Variants in MGLL observed in about 807,000 individuals in gnomAD.
MGLL encodes monoglyceride lipase, also known as lysophospholipase homolog.
MGLL carries 7 observed loss-of-function variants against 29.1 expected under a neutral mutation model. The ratio of observed to expected loss-of-function variants is 0.24; its 90% CI spans 0.14 to 0.45. The LOEUF is 0.45. MGLL is among the 20% of genes least tolerant of loss of function. MGLL has a pLI of 0.99. For synonymous variants in MGLL, 148 were observed against 168.3 expected, an observed-to-expected ratio of 0.88 and a Z score of 0.93; for missense variants, 356 against 413.6, an observed-to-expected ratio of 0.86 and a Z score of 1.21.
At chr3:127,793,178 G>A (rs1443268358) in intron 2 of MGLL, among the ~76,000 whole-genome samples, 2 of 152,172 alleles carry the variant, frequency 1.3e-5, no homozygotes, top group South Asian at 4.2e-4. Flanking sequence ...GCACGTGGCA[G>A]AATGGCAGCC....
chr3:127,755,225 T>C (rs2076641856), intron 3 of MGLL, among the ~76,000 whole-genome samples: 1 of 152,126 alleles, frequency 6.6e-6, no homozygotes. Context: ...CACTGTGACC[T>C]GGGAACAAGG....
chr3:127,725,162 C>T (rs2076008644), intron 3 of MGLL, among the ~76,000 whole-genome samples: 1 of 152,168 alleles, frequency 6.6e-6, no homozygotes. Context: ...CTTCCGAGAT[C>T]TTGGCTCACT....
At chr3:127,755,454 C>G (rs536660007) in intron 3 of MGLL, among the ~76,000 whole-genome samples, 1 of 152,262 alleles carries the variant, frequency 6.6e-6, no homozygotes, top group East Asian at 1.9e-4. Flanking sequence ...ACACGATATG[C>G]CAGTTGTAGG....
intron 3 of MGLL, among the ~76,000 whole-genome samples, chr3:127,768,638 C>T (rs1576571644): frequency 1.3e-5 from 2 of 152,304 alleles, no homozygotes; most frequent in East Asian, 1.9e-4. Context: ...CACTCTGACT[C>T]TCCCTTCTCT....
At position 127,723,439 on chromosome 3, in the gene MGLL, T is replaced by C. The variant is rs182955962; in HGVS notation, c.263-873A>G. Among the ~76,000 whole-genome samples the C allele has an allele frequency of 2.3e-3, 356 of 152,136 alleles. 1 individual carries two copies. The highest frequency in any genetic ancestry group is 7.9e-3 in the African/African-American group (326 of 41,492). On this transcript the variant is annotated intron_variant, in intron 3 of 7. Transcript: ENST00000265052. ...GGGGAGGCTGCTGCAGTAATAACGG[T>C]CACCACCTGGAACTGACAGGCTGCC...
intron 5 of MGLL, among the ~76,000 whole-genome samples, chr3:127,717,550 C>T (rs561305855): frequency 9.2e-5 from 14 of 152,320 alleles, no homozygotes; most frequent in African/African-American, 1.9e-4. Context: ...CCCTACTGGG[C>T]GAGGTGCCCT....
intron 3 of MGLL, among the ~76,000 whole-genome samples, chr3:127,779,328 C>T (rs558939560): frequency 1.1e-4 from 17 of 152,222 alleles, no homozygotes. Flanking sequence ...GATCACGCCA[C>T]TGCACTCCAG....
At chr3:127,692,351 A>C in intron 7 of MGLL, 28 bp from the exon 8 acceptor site, 1 of 1,613,796 alleles carries the variant, frequency 6.2e-7, no homozygotes, top group Non-Finnish European at 8.5e-7. Flanking sequence ...ACGGAATCAG[A>C]GCTGCACCAT....
intron 3 of MGLL, among the ~76,000 whole-genome samples, chr3:127,742,584 C>A (rs1213699881): frequency 3.8e-5 from 4 of 104,522 alleles, no homozygotes; most frequent in African/African-American, 1.5e-4. Context: ...AGCGAGACTC[C>A]GTCCCAAAAA....
intron 6 of MGLL, 108 bp from the exon 7 acceptor site, chr3:127,695,298 C>T: frequency 1.7e-6 from 2 of 1,144,734 alleles, no homozygotes; most frequent in South Asian, 2.9e-5. Flanking sequence ...AGGGTTGATT[C>T]CATTCAGGTC....
chr3:127,809,792 G>A (rs181610201), intron 2 of MGLL, among the ~76,000 whole-genome samples: 2 of 152,130 alleles, frequency 1.3e-5, no homozygotes, highest in Admixed American at 1.3e-4. Context: ...CTGCCCTTGA[G>A]CCAGGTGGCC....
intron 5 of MGLL, among the ~76,000 whole-genome samples, chr3:127,720,366 G>T (rs962358905): frequency 2.0e-5 from 3 of 152,170 alleles, no homozygotes. Context: ...CCAAGGCCGG[G>T]TCTAAACTGA....
intron 5 of MGLL, among the ~76,000 whole-genome samples, chr3:127,714,710 C>G (rs1487341850): frequency 6.6e-6 from 1 of 152,140 alleles, no homozygotes; most frequent in Admixed American, 6.5e-5. Flanking sequence ...TGCTGAAGCC[C>G]TGGGTGCAAG....
chr3:127,810,543 AAC>A (rs34730307), intron 2 of MGLL, among the ~76,000 whole-genome samples: 20,963 of 152,214 alleles, frequency 0.14, 1,650 homozygotes, highest in Middle Eastern at 0.21. Flanking sequence ...CTGAAATCCC[AAC>A]ACAGAATCCA....
chr3:127,695,128 G>A lies in MGLL; in HGVS notation c.663C>T (p.Ile221=), dbSNP rs779322931. 2 of 1,614,230 alleles carry A rather than the reference G, an allele frequency of 1.2e-6. No homozygotes were observed. The highest frequency in any genetic ancestry group is 1.7e-6 in the Non-Finnish European group (2 of 1,180,046). The change falls in exon 7 of 8, where the codon ATC becomes ATT. Residue 221 remains isoleucine, a synonymous_variant. Coordinates refer to ENST00000265052, the MANE Select transcript of MGLL (RefSeq NM_007283.7). ...CCCGTGAGACGGCATTCAGCAGTTGGATGCCGAAGCACACCTTCAGCCCTG... is the reference window on the plus strand; with the variant it reads ...CCCGTGAGACGGCATTCAGCAGTTGAATGCCGAAGCACACCTTCAGCCCTG... ...CRAGLKVCFG[I]QLLNAVSRVE...
At chr3:127,754,710 G>C (rs886219486) in intron 3 of MGLL, among the ~76,000 whole-genome samples, 1 of 152,072 alleles carries the variant, frequency 6.6e-6, no homozygotes, top group Non-Finnish European at 1.5e-5. Flanking sequence ...CCTTGTCGGA[G>C]GGCAAGAAAG....
intron 2 of MGLL, among the ~76,000 whole-genome samples, chr3:127,800,123 AC>A (rs1287014181): frequency 2.6e-5 from 4 of 152,208 alleles, no homozygotes; most frequent in Admixed American, 2.0e-4. Flanking sequence ...ATGGTCAGGA[AC>A]ACAGAGAAGG....
At chr3:127,740,831 G>A (rs1292036107) in intron 3 of MGLL, among the ~76,000 whole-genome samples, 1 of 152,210 alleles carries the variant, frequency 6.6e-6, no homozygotes, top group African/African-American at 2.4e-5. Flanking sequence ...GATTCTGGAC[G>A]TCTGTTTTCA....
intron 2 of MGLL, among the ~76,000 whole-genome samples, chr3:127,792,828 C>G (rs2077323875): frequency 6.6e-6 from 1 of 152,212 alleles, no homozygotes; most frequent in East Asian, 1.9e-4. Flanking sequence ...TCAGTCAAGC[C>G]ACTGGAGAAC....
Sources: gnomAD v4.1 joint callset for allele counts (sites outside exome capture counted in the v4.1 genomes callset) on GRCh38, gnomAD v4.1.1 for gene constraint, MANE v1.5 for transcripts, NCBI Gene and HGNC (gene_info 2026-07-23, HGNC 2026-07-21) for gene names.